Variants in GRIK2 observed in about 807,000 individuals in gnomAD.
GRIK2 encodes glutamate receptor ionotropic, kainate 2.
GRIK2 carries 32 observed loss-of-function variants against 100.3 expected under a neutral mutation model. The observed-to-expected ratio is 0.32, with a 90% CI of 0.24 to 0.43. GRIK2 has a LOEUF of 0.43. Ranked by LOEUF, GRIK2 falls within the 20% of genes least tolerant of loss-of-function variation. The pLI, the probability that GRIK2 is intolerant of heterozygous loss-of-function variation, is 1.00. For synonymous variants in GRIK2, 417 were observed against 389.4 expected, an observed-to-expected ratio of 1.07 and a Z score of -0.83; for missense variants, 843 against 1,114.9, an observed-to-expected ratio of 0.76 and a Z score of 3.47.
chr6:101,982,212 A>G (rs998109429), intron 14 of GRIK2, among the ~76,000 whole-genome samples: 1 of 151,804 alleles, frequency 6.6e-6, no homozygotes, highest in African/African-American at 2.4e-5. Flanking sequence ...GTGGTTGCAG[A>G]TATCTTGAGT....
intron 2 of GRIK2, among the ~76,000 whole-genome samples, chr6:101,484,802 A>G (rs1007341886): frequency 6.6e-6 from 1 of 152,118 alleles, no homozygotes; most frequent in Non-Finnish European, 1.5e-5. Context: ...TTTTATTTCA[A>G]TGCTTAGGTA....
rs71797313 is a variant in GRIK2, at chr6:101,565,915, T to TTATATA, written c.116-56022_116-56017dup. Among the ~76,000 whole-genome samples, 777 of 122,924 alleles carry TTATATA rather than the reference T, an allele frequency of 6.3e-3. 16 individuals carry two copies. Among genetic ancestry groups the TTATATA allele is most frequent in the African/African-American group, 0.015 (439 of 28,460 alleles). The allele number at this position is 122,924 out of a possible 152,430, so 80.6% of individuals were successfully genotyped here. The stretch of plus-strand genomic sequence containing the variant: ...CAATCTTTATCTTTATATACCTATT[T>TTATATA]TATATATATATATATATGTGTATAT... On this transcript the variant is annotated intron_variant, in intron 2 of 16. Coordinates refer to ENST00000369134, the MANE Select transcript of GRIK2 (RefSeq NM_021956.5).
intron 2 of GRIK2, among the ~76,000 whole-genome samples, chr6:101,500,159 C>G (rs1174502848): frequency 4.6e-5 from 7 of 151,984 alleles, no homozygotes; most frequent in Non-Finnish European, 1.0e-4. Flanking sequence ...AAAGTAAGTT[C>G]TATCTTATAT....
intron 4 of GRIK2, among the ~76,000 whole-genome samples, chr6:101,647,693 T>G (rs1358710923): frequency 6.6e-6 from 1 of 152,074 alleles, no homozygotes; most frequent in African/African-American, 2.4e-5. Flanking sequence ...ATTTTTTATT[T>G]ATTTGTTTTT....
intron 2 of GRIK2, among the ~76,000 whole-genome samples, chr6:101,456,060 G>A (rs1400904588): frequency 6.6e-6 from 1 of 151,370 alleles, no homozygotes; most frequent in Non-Finnish European, 1.5e-5. Context: ...ATAATGGGCA[G>A]GTCTTGGGGG....
chr6:101,905,324 A>G (rs1425152519), intron 12 of GRIK2, among the ~76,000 whole-genome samples: 1 of 151,566 alleles, frequency 6.6e-6, no homozygotes, highest in Non-Finnish European at 1.5e-5. Context: ...TTAATCTTTC[A>G]TTTGCAGCTT....
chr6:101,860,916 C>A, intron 11 of GRIK2: 2 of 914,384 alleles, frequency 2.2e-6, no homozygotes, highest in Non-Finnish European at 2.6e-6. Flanking sequence ...ATTTCTGAGG[C>A]ATTAGGTATT....
intron 4 of GRIK2, among the ~76,000 whole-genome samples, chr6:101,662,047 A>G (rs568784443): frequency 6.6e-6 from 1 of 152,342 alleles, no homozygotes; most frequent in East Asian, 1.9e-4. Context: ...CCTCACCCTC[A>G]GAGGTAAGGC....
intron 7 of GRIK2, among the ~76,000 whole-genome samples, chr6:101,720,218 G>A (rs927317875): frequency 1.1e-4 from 16 of 151,786 alleles, no homozygotes; most frequent in African/African-American, 3.6e-4. Flanking sequence ...GACAGACCCA[G>A]CCCACACTGT....
chr6:101,422,229 A>C (rs998429777), intron 2 of GRIK2, among the ~76,000 whole-genome samples: 1 of 152,166 alleles, frequency 6.6e-6, no homozygotes, highest in African/African-American at 2.4e-5. Context: ...ATTAAATTAC[A>C]TTCCTCTGCT....
chr6:101,983,413 A>T (rs1050324952), intron 14 of GRIK2, among the ~76,000 whole-genome samples: 3 of 151,832 alleles, frequency 2.0e-5, no homozygotes, highest in African/African-American at 7.2e-5. Flanking sequence ...AATGTCTCTA[A>T]TCACCGGTTT....
Position 101,440,015 on chromosome 6 carries a change from G to A in GRIK2, c.115+40623G>A, listed in dbSNP as rs114666390. On this transcript the variant is annotated intron_variant, in intron 2 of 16. Coordinates refer to ENST00000369134, the MANE Select transcript of GRIK2 (RefSeq NM_021956.5). ...GTTCTCATTGGAAGATGACCACTTC[G>A]GTGAGGTTATGACCAAATTGTTATG... 7.0e-3 allele frequency among the ~76,000 whole-genome samples: 1,068 copies of A among 152,148 alleles called. 10 individuals are homozygous for A. The highest frequency in any genetic ancestry group is 0.024 in the African/African-American group (996 of 41,516).
intron 2 of GRIK2, among the ~76,000 whole-genome samples, chr6:101,586,859 T>C (rs759464124): frequency 1.1e-4 from 14 of 124,134 alleles, no homozygotes; most frequent in Non-Finnish European, 1.6e-4. Context: ...TACTGCACTA[T>C]AGTCTGGGCA....
intron 2 of GRIK2, among the ~76,000 whole-genome samples, chr6:101,497,317 T>A (rs770683647): frequency 2.0e-5 from 3 of 152,210 alleles, no homozygotes; most frequent in Non-Finnish European, 4.4e-5. Flanking sequence ...AGGGATAATG[T>A]CTAACTTTCC....
chr6:102,062,147 G>A (rs1468632687), intron 16 of GRIK2, among the ~76,000 whole-genome samples: 1 of 150,236 alleles, frequency 6.7e-6, no homozygotes, highest in African/African-American at 2.4e-5. Flanking sequence ...GTTTCTGTTA[G>A]AGTAAAGGTT....
chr6:101,672,383 C>G (rs1770505971), intron 4 of GRIK2, among the ~76,000 whole-genome samples: 1 of 152,104 alleles, frequency 6.6e-6, no homozygotes, highest in Non-Finnish European at 1.5e-5. Context: ...GATGCCCAAC[C>G]AGAAGTCAGA....
At chr6:101,751,299 A>C in intron 7 of GRIK2, among the ~76,000 whole-genome samples, 1 of 152,022 alleles carries the variant, frequency 6.6e-6, no homozygotes, top group East Asian at 1.9e-4. Flanking sequence ...TTAAATATGT[A>C]CAAAAGTAGA....
intron 11 of GRIK2, among the ~76,000 whole-genome samples, chr6:101,877,297 C>T (rs917683527): frequency 3.9e-5 from 6 of 151,932 alleles, no homozygotes; most frequent in Admixed American, 1.3e-4. Context: ...TCGAAAATAC[C>T]AGGGCTAGGG....
chr6:101,662,157 T>C (rs909842048), intron 4 of GRIK2, among the ~76,000 whole-genome samples: 1 of 152,208 alleles, frequency 6.6e-6, no homozygotes, highest in Non-Finnish European at 1.5e-5. Context: ...TTCTTTCTTC[T>C]AGAAATTTGG....
Sources: gnomAD v4.1 joint callset for allele counts (sites outside exome capture counted in the v4.1 genomes callset) on GRCh38, gnomAD v4.1.1 for gene constraint, MANE v1.5 for transcripts, NCBI Gene and HGNC (gene_info 2026-07-23, HGNC 2026-07-21) for gene names.